The following OCM variants were observed in gnomAD, a reference collection of about 807,000 sequenced individuals.
OCM encodes oncomodulin-1.
In OCM, 18 loss-of-function variants were observed where a neutral mutation model predicts 14.1. That is an observed-to-expected ratio of 1.28 (90% CI 0.88 to 1.89). OCM has a LOEUF of 1.89. Among genes scored for constraint, OCM ranks in the 40% most tolerant of loss-of-function variants. The probability of loss-of-function intolerance (pLI) is 0.00; values close to 1 mark genes in which losing one functional copy is unlikely to be tolerated. For missense variants in OCM, 140 were observed against 137.6 expected (o/e 1.02, Z -0.09); for synonymous variants, 48 against 51.0 (o/e 0.94, Z 0.25).
the OCM span, among the ~76,000 whole-genome samples, chr7:5,864,110 C>CA: frequency 6.6e-6 from 1 of 151,884 alleles, no homozygotes; most frequent in Non-Finnish European, 1.5e-5. Context: ...GAGGCTGAGG[C>CA]AGGAGGGTCG....
the OCM span, among the ~76,000 whole-genome samples, chr7:5,864,380 G>A: frequency 4.6e-5 from 7 of 151,600 alleles, no homozygotes; most frequent in Non-Finnish European, 1.0e-4. Context: ...GACCTTCACG[G>A]TGTTCTAAAA....
the OCM span, among the ~76,000 whole-genome samples, chr7:5,864,728 G>T: frequency 3.3e-5 from 5 of 152,224 alleles, no homozygotes; most frequent in South Asian, 1.0e-3. Flanking sequence ...GCCAAGCCAG[G>T]CGGATCACCT....
the OCM span, among the ~76,000 whole-genome samples, chr7:5,861,082 T>C: frequency 6.6e-6 from 1 of 151,934 alleles, no homozygotes. Context: ...GTTATAGTTG[T>C]TGCTGGTTTT....
the OCM span, among the ~76,000 whole-genome samples, chr7:5,865,691 AAC>A: frequency 1.3e-5 from 2 of 152,198 alleles, no homozygotes; most frequent in African/African-American, 4.8e-5. Flanking sequence ...GCGATGGGAG[AAC>A]ACTAAATTCA....
At chr7:5,873,984 G>C in the OCM span, among the ~76,000 whole-genome samples, 18 of 151,656 alleles carry the variant, frequency 1.2e-4, no homozygotes, top group South Asian at 6.3e-4. Flanking sequence ...GGGAGGCTGA[G>C]GGGGGCGGAC....
chr7:5,883,817 G>C, intron 2 of OCM, 73 bp from the exon 3 acceptor site: 2 of 1,583,022 alleles, frequency 1.3e-6, no homozygotes, highest in Non-Finnish European at 1.7e-6. Context: ...TATGCTTAGA[G>C]GAAAAACAAA....
the OCM span, among the ~76,000 whole-genome samples, chr7:5,860,555 G>A: frequency 1.0e-5 from 1 of 98,398 alleles, no homozygotes. Flanking sequence ...ATATATACGT[G>A]TATATATACG....
chr7:5,878,968 C>T (rs191270329), upstream of OCM, among the ~76,000 whole-genome samples: 12 of 151,462 alleles, frequency 7.9e-5, no homozygotes, highest in East Asian at 2.1e-3. Context: ...ATTACTTGAG[C>T]CCAGGAGTTC....
chr7:5,864,379 G>A, the OCM span, among the ~76,000 whole-genome samples: 1 of 151,348 alleles, frequency 6.6e-6, no homozygotes, highest in Non-Finnish European at 1.5e-5. Context: ...TGACCTTCAC[G>A]GTGTTCTAAA....
rs969212677 is a variant in OCM, at chr7:5,886,199, C to T, written c.*110C>T. 6 of 1,305,092 alleles carry T rather than the reference C, an allele frequency of 4.6e-6. No individual in the cohort carries two copies. The highest frequency in any genetic ancestry group is 5.4e-6 in the Non-Finnish European group (5 of 924,332). The allele number at this position is 1,305,092 out of a possible 1,614,324, so 80.8% of individuals were successfully genotyped here. A position where few individuals can be genotyped will look rare whatever the true frequency, so the allele number is the denominator to read the frequency against. On this transcript the variant is annotated 3_prime_UTR_variant, in exon 4 of 4. Transcript: ENST00000242104. Reference sequence around the variant, plus strand: ...CATCCCTACCTAATTTGTTAATTTTCCCTGAAAACCTTCTGCAGTTTGCTC... The same window carrying T: ...CATCCCTACCTAATTTGTTAATTTTTCCTGAAAACCTTCTGCAGTTTGCTC...
At chr7:5,875,754 A>T (rs1583168451), upstream of OCM, among the ~76,000 whole-genome samples, 1 of 152,318 alleles carries the variant, frequency 6.6e-6, no homozygotes, top group East Asian at 1.9e-4. Context: ...CTCCCAAAGA[A>T]AAAGAAAGGG....
chr7:5,861,439 C>A, the OCM span, among the ~76,000 whole-genome samples: 8 of 151,748 alleles, frequency 5.3e-5, no homozygotes, highest in East Asian at 1.4e-3. Flanking sequence ...AAAAAAGAAT[C>A]CCAGTTCTTG....
chr7:5,877,819 CAAAA>C (rs535302724), upstream of OCM, among the ~76,000 whole-genome samples: 2 of 55,304 alleles, frequency 3.6e-5, no homozygotes, highest in African/African-American at 1.5e-4. Flanking sequence ...GACTCCATCT[CAAAA>C]AAAAAAAAAA....
chr7:5,868,884 G>A, the OCM span, among the ~76,000 whole-genome samples: 1 of 151,952 alleles, frequency 6.6e-6, no homozygotes, highest in Admixed American at 6.6e-5. Context: ...CTAACATGGT[G>A]AAACCCTGTG....
At chr7:5,878,875 TAAAAAAAAA>T (rs57901741), upstream of OCM, among the ~76,000 whole-genome samples, 2 of 102,018 alleles carry the variant, frequency 2.0e-5, no homozygotes, top group African/African-American at 7.5e-5. Flanking sequence ...TGCTGAAAGT[TAAAAAAAAA>T]AAAAAAAAAA....
chr7:5,860,170 T>G, the OCM span, among the ~76,000 whole-genome samples: 1 of 151,880 alleles, frequency 6.6e-6, no homozygotes, highest in African/African-American at 2.4e-5. Flanking sequence ...TTGCAATTTC[T>G]CCTTAATTAA....
the OCM span, among the ~76,000 whole-genome samples, chr7:5,871,013 G>A: frequency 6.6e-6 from 1 of 151,612 alleles, no homozygotes; most frequent in Non-Finnish European, 1.5e-5. Context: ...CAGCCTCCTC[G>A]CCAGTAGCTG....
chr7:5,880,845 T>G lies in OCM; in HGVS notation c.-45T>G, dbSNP rs760679844. The G allele has an allele frequency of 2.5e-6, 4 of 1,587,484 alleles. No homozygotes were observed. In the South Asian group the frequency reaches 4.4e-5, roughly 18 times the overall value. The stretch of plus-strand genomic sequence containing the variant: ...TTCCCCTGGATGTGCACATTCCTGT[T>G]TGTGGCTTATCGCCTCTCATTTATT... On this transcript the variant is annotated 5_prime_UTR_variant, in exon 1 of 4. Coordinates refer to ENST00000242104, the MANE Select transcript of OCM (RefSeq NM_001097622.2).
chr7:5,865,697 A>C, the OCM span, among the ~76,000 whole-genome samples: 1 of 152,174 alleles, frequency 6.6e-6, no homozygotes, highest in Admixed American at 6.6e-5. Flanking sequence ...GGAGAACACT[A>C]AATTCAGGAA....
Sources: gnomAD v4.1 joint callset for allele counts (sites outside exome capture counted in the v4.1 genomes callset) on GRCh38, gnomAD v4.1.1 for gene constraint, MANE v1.5 for transcripts, NCBI Gene and HGNC (gene_info 2026-07-23, HGNC 2026-07-21) for gene names.